ZBTB7C: variants seen among roughly 807,000 people sequenced by gnomAD.
The protein encoded by ZBTB7C is zinc finger and BTB domain-containing protein 7C.
A neutral mutation model predicts 25.7 loss-of-function variants in ZBTB7C; 8 were observed. The ratio of observed to expected loss-of-function variants is 0.31; its 90% CI spans 0.18 to 0.56. The LOEUF (loss-of-function observed/expected upper bound fraction) is 0.56. Ranked by LOEUF, ZBTB7C falls within the 20% of genes least tolerant of loss-of-function variation. The probability of loss-of-function intolerance (pLI) is 0.91; values close to 1 mark genes in which losing one functional copy is unlikely to be tolerated. For synonymous variants in ZBTB7C, 394 were observed against 369.0 expected, an observed-to-expected ratio of 1.07 and a Z score of -0.78; for missense variants, 824 against 855.2, an observed-to-expected ratio of 0.96 and a Z score of 0.46.
intron 3 of ZBTB7C, among the ~76,000 whole-genome samples, chr18:48,111,224 T>C (rs970419070): frequency 2.0e-5 from 3 of 152,156 alleles, no homozygotes; most frequent in Admixed American, 6.5e-5. Flanking sequence ...GCTCCTCTTA[T>C]GGACCCTAGA....
At chr18:48,159,281 G>A (rs1034002747) in intron 3 of ZBTB7C, among the ~76,000 whole-genome samples, 1 of 152,178 alleles carries the variant, frequency 6.6e-6, no homozygotes, top group Admixed American at 6.5e-5. Flanking sequence ...AATCCCGGTG[G>A]TCTTCTACTT....
chr18:48,029,587 C>T lies in ZBTB7C; in HGVS notation c.1533G>A (p.Leu511=). 2 of 1,484,084 alleles carry T rather than the reference C, an allele frequency of 1.3e-6. No homozygotes were observed. The highest frequency in any genetic ancestry group is 1.8e-6 in the Non-Finnish European group (2 of 1,130,998). 91.9% of individuals were successfully genotyped at this position (1,484,084 alleles called of 1,614,324 possible). ...DKAAFVMPPA[L]GEVGGHLGGA... ...CGCCCAGGTGGCCGCCCACCTCGCC[C>T]AGCGCAGGGGGCATCACGAAGGCCG... Residue 511 remains leucine, a synonymous_variant, in exon 5 of 5, where the codon CTG becomes CTA. Coordinates refer to ENST00000590800, the MANE Select transcript of ZBTB7C (RefSeq NM_001318841.2).
intron 3 of ZBTB7C, among the ~76,000 whole-genome samples, chr18:48,143,034 T>TA (rs1033512242): frequency 1.3e-5 from 2 of 152,090 alleles, no homozygotes; most frequent in African/African-American, 4.8e-5. Context: ...AATAAACAGA[T>TA]AAACATCTAC....
At chr18:48,384,806 C>T (rs111876961) in intron 1 of ZBTB7C, among the ~76,000 whole-genome samples, 4 of 152,168 alleles carry the variant, frequency 2.6e-5, no homozygotes, top group African/African-American at 9.6e-5. Flanking sequence ...CTCAGCCTCC[C>T]GAATAGCCAG....
At chr18:48,089,642 C>G (rs1250340868) in intron 3 of ZBTB7C, among the ~76,000 whole-genome samples, 2 of 152,108 alleles carry the variant, frequency 1.3e-5, no homozygotes, top group Non-Finnish European at 2.9e-5. Flanking sequence ...TATTCTGACT[C>G]AAGAGGAATG....
chr18:48,029,617 G>A lies in ZBTB7C; in HGVS notation c.1503C>T (p.Asp501=). 6.7e-7 allele frequency: 1 copy of A among 1,492,798 alleles called. No individual in the cohort carries two copies. Among genetic ancestry groups the A allele is most frequent in the South Asian group, 1.3e-5 (1 of 76,452 alleles). The allele number at this position is 1,492,798 out of a possible 1,614,324, so 92.5% of individuals were successfully genotyped here. A position where few individuals can be genotyped will look rare whatever the true frequency, so the allele number is the denominator to read the frequency against. The change falls in exon 5 of 5, where the codon GAC becomes GAT. Residue 501 remains aspartate (D), a synonymous_variant. Transcript: ENST00000590800. Reference sequence around the variant, plus strand: ...CAGGGGGCATCACGAAGGCCGCCTTGTCGGGGGCCGGGCCGCCGGGCCCGA... The same window carrying A: ...CAGGGGGCATCACGAAGGCCGCCTTATCGGGGGCCGGGCCGCCGGGCCCGA... ...LLFGPGGPAP[D]KAAFVMPPAL... is the part of the protein sequence containing the mutation.
chr18:48,031,466 C>T (rs2035744617), intron 4 of ZBTB7C, among the ~76,000 whole-genome samples: 1 of 152,210 alleles, frequency 6.6e-6, no homozygotes, highest in African/African-American at 2.4e-5. Flanking sequence ...TGATATCCCA[C>T]CCCCTACCAG....
chr18:48,092,416 A>G (rs2038453651), intron 3 of ZBTB7C, among the ~76,000 whole-genome samples: 1 of 152,226 alleles, frequency 6.6e-6, no homozygotes, highest in Non-Finnish European at 1.5e-5. Flanking sequence ...TATCATGTAA[A>G]CTGATGAAAT....
At chr18:48,146,468 C>A (rs1210958245) in intron 3 of ZBTB7C, among the ~76,000 whole-genome samples, 1 of 151,888 alleles carries the variant, frequency 6.6e-6, no homozygotes, top group Non-Finnish European at 1.5e-5. Context: ...TGTTAATAAA[C>A]TTTTTTTTGC....
chr18:48,198,140 T>C (rs1218281859), intron 2 of ZBTB7C, among the ~76,000 whole-genome samples: 1 of 152,230 alleles, frequency 6.6e-6, no homozygotes, highest in African/African-American at 2.4e-5. Flanking sequence ...TTAACTCTTA[T>C]TTACACATAA....
intron 3 of ZBTB7C, among the ~76,000 whole-genome samples, chr18:48,082,583 T>A (rs904025852): frequency 6.6e-6 from 1 of 152,084 alleles, no homozygotes; most frequent in African/African-American, 2.4e-5. Context: ...GTTAGGGGAA[T>A]TGTAATATAT....
intron 1 of ZBTB7C, among the ~76,000 whole-genome samples, chr18:48,407,265 G>A (rs2048302808): frequency 6.6e-6 from 1 of 152,148 alleles, no homozygotes; most frequent in African/African-American, 2.4e-5. Flanking sequence ...TGGAAAGTGG[G>A]TGCTTCAGTG....
At chr18:48,338,962 T>C (rs1364923205) in intron 1 of ZBTB7C, among the ~76,000 whole-genome samples, 2 of 150,992 alleles carry the variant, frequency 1.3e-5, no homozygotes, top group African/African-American at 2.4e-5. Flanking sequence ...ATGATGAACA[T>C]CTTTTCATAG....
chr18:48,309,485 A>G (rs1030339378), intron 2 of ZBTB7C, among the ~76,000 whole-genome samples: 6 of 152,362 alleles, frequency 3.9e-5, no homozygotes, highest in Admixed American at 3.3e-4. Context: ...GCTGAAGAGC[A>G]CAGAAGTGGG....
At chr18:48,376,752 AATGCTGTTGTCATTCTGCTG>A (rs2047528459) in intron 1 of ZBTB7C, among the ~76,000 whole-genome samples, 1 of 152,106 alleles carries the variant, frequency 6.6e-6, no homozygotes, top group Non-Finnish European at 1.5e-5. Context: ...AAACTCTGTA[AATGCTGTTGTCATTCTGCTG>A]ATGCTCTGGG....
chr18:48,234,467 A>AGTTT (rs1460363591), intron 2 of ZBTB7C, among the ~76,000 whole-genome samples: 1 of 152,194 alleles, frequency 6.6e-6, no homozygotes, highest in Non-Finnish European at 1.5e-5. Context: ...TTTCTTGTTT[A>AGTTT]GTTTTCCAGA....
intron 1 of ZBTB7C, among the ~76,000 whole-genome samples, chr18:48,382,381 T>C (rs1399381877): frequency 6.6e-6 from 1 of 152,214 alleles, no homozygotes; most frequent in Admixed American, 6.5e-5. Flanking sequence ...CAAGCCAATA[T>C]CGCTAAACTT....
At chr18:48,231,227 G>A (rs2043243860) in intron 2 of ZBTB7C, among the ~76,000 whole-genome samples, 1 of 152,176 alleles carries the variant, frequency 6.6e-6, no homozygotes, top group South Asian at 2.1e-4. Context: ...CTGGGGGCCA[G>A]GCTGCCATTT....
Position 48,353,707 on chromosome 18 carries a change from C to T in ZBTB7C, c.-303-15309G>A, listed in dbSNP as rs535249702. ...AATCCTTTGTGACAGCATGAAAAGCCGGATGGGGCTGGCCTGGTTGCAATG... is the reference window on the plus strand; with the variant it reads ...AATCCTTTGTGACAGCATGAAAAGCTGGATGGGGCTGGCCTGGTTGCAATG... On this transcript the variant is annotated intron_variant, in intron 1 of 4. Coordinates refer to ENST00000590800, the MANE Select transcript of ZBTB7C (RefSeq NM_001318841.2). 3.5e-3 allele frequency among the ~76,000 whole-genome samples: 526 copies of T among 152,292 alleles called. 2 individuals carry two copies. Among genetic ancestry groups the T allele is most frequent in the Non-Finnish European group, 6.2e-3 (420 of 68,026 alleles).
Sources: allele counts gnomAD v4.1 joint callset (sites outside exome capture counted in the v4.1 genomes callset), GRCh38; gene constraint gnomAD v4.1.1; transcripts MANE v1.5; gene names NCBI Gene and HGNC (gene_info 2026-07-23, HGNC 2026-07-21).